The following DOCK3 variants were observed in gnomAD, a reference collection of about 807,000 sequenced individuals.
DOCK3 encodes dedicator of cytokinesis 3.
DOCK3 carries 60 observed loss-of-function variants against 265.6 expected under a neutral mutation model. That is an observed-to-expected ratio of 0.23 (90% CI 0.18 to 0.28). The LOEUF (loss-of-function observed/expected upper bound fraction) is 0.28. DOCK3 is among the 10% of genes least tolerant of loss of function. DOCK3 has a pLI of 1.00. For synonymous variants in DOCK3, 881 were observed against 938.0 expected (o/e 0.94, Z 1.11); for missense variants, 1,981 against 2,594.3 (o/e 0.76, Z 5.14).
intron 22 of DOCK3, among the ~76,000 whole-genome samples, chr3:51,257,841 C>T (rs1296276527): frequency 6.6e-6 from 1 of 152,328 alleles, no homozygotes; most frequent in South Asian, 2.1e-4. Flanking sequence ...TTCTATTCCA[C>T]TCCTCTGCCC....
intron 5 of DOCK3, among the ~76,000 whole-genome samples, chr3:50,935,898 A>G (rs772583789): frequency 6.6e-6 from 1 of 152,244 alleles, no homozygotes; most frequent in Non-Finnish European, 1.5e-5. Context: ...GTGTCATAGT[A>G]TAATAATGTT....
intron 1 of DOCK3, among the ~76,000 whole-genome samples, chr3:50,735,248 G>A (rs2038514380): frequency 6.6e-6 from 1 of 152,066 alleles, no homozygotes; most frequent in African/African-American, 2.4e-5. Flanking sequence ...TTTGACTTTT[G>A]AGAACTTGAT....
intron 1 of DOCK3, among the ~76,000 whole-genome samples, chr3:50,722,954 T>A (rs546482073): frequency 1.3e-5 from 2 of 152,074 alleles, no homozygotes; most frequent in Admixed American, 6.5e-5. Context: ...GTACTTGTTT[T>A]ATAGAGACAG....
At chr3:50,900,310 T>C (rs1015026890) in intron 4 of DOCK3, among the ~76,000 whole-genome samples, 1 of 152,258 alleles carries the variant, frequency 6.6e-6, no homozygotes. Context: ...TCTTGTGCTG[T>C]GTTTTTTAGT....
At chr3:51,351,949 G>T (rs563716544) in intron 40 of DOCK3, among the ~76,000 whole-genome samples, 1 of 152,270 alleles carries the variant, frequency 6.6e-6, no homozygotes, top group South Asian at 2.1e-4. Flanking sequence ...GAGCCAATGC[G>T]CCCAGCCAGG....
intron 22 of DOCK3, among the ~76,000 whole-genome samples, chr3:51,255,742 G>A (rs998285617): frequency 7.0e-6 from 1 of 142,624 alleles, no homozygotes; most frequent in Non-Finnish European, 1.6e-5. Context: ...TCTATGCTGT[G>A]TTTTCTAGTT....
chr3:50,888,480 T>A (rs1396945916), intron 3 of DOCK3, among the ~76,000 whole-genome samples: 3 of 152,176 alleles, frequency 2.0e-5, no homozygotes, highest in East Asian at 3.8e-4. Context: ...AAGCTACCAA[T>A]GACTTTCTTC....
Position 51,381,341 on chromosome 3 carries a change from C to T in DOCK3, c.5875C>T (p.Pro1959Ser). The T allele has an allele frequency of 6.2e-7, 1 of 1,613,432 alleles. No individual in the cohort carries two copies. The highest frequency in any genetic ancestry group is 8.5e-7 in the Non-Finnish European group (1 of 1,179,878). The change falls in exon 53 of 53, where the codon CCA (proline) becomes TCA (serine). Residue 1959 changes from proline (P) to serine (S), a missense_variant. By Grantham distance (74) the Pro-to-Ser change is moderately conservative (BLOSUM62 -1). Around this residue, in one of 4 missense-constraint regions of DOCK3, gnomAD observed 149 missense variants for 144.7 expected, o/e 1.03. Transcript: ENST00000266037. The surrounding 1 kb of genome is among the most constrained non-coding windows in gnomAD (Gnocchi z 5.6). ...CCAGCCATGCCGAAGCCACTCAGCC[C>T]CAGGGTGCGTCATCCCTCAGGACCC... is the stretch of plus-strand genomic sequence containing the variant. ...KAQPCRSHSA[P>S]GCVIPQDPMD...
intron 49 of DOCK3, among the ~76,000 whole-genome samples, chr3:51,363,857 G>A (rs1357911817): frequency 6.6e-6 from 1 of 152,202 alleles, no homozygotes; most frequent in Non-Finnish European, 1.5e-5. Flanking sequence ...TGGTGTATAT[G>A]TGCCACATTT....
chr3:51,278,549 G>A lies in DOCK3; in HGVS notation c.2823+795G>A, dbSNP rs1211809986. 16 of 985,162 alleles carry A rather than the reference G, an allele frequency of 1.6e-5. No individual in the cohort carries two copies. The Admixed American group carries it at 4.3e-4, about 27-fold the overall frequency. 61.0% of individuals were successfully genotyped at this position (985,162 alleles called of 1,614,324 possible). On this transcript the variant is annotated intron_variant, in intron 26 of 52. Transcript: ENST00000266037. ...AGCAGGTATGTGTTCTGGAGCACTG[G>A]GCTTGGAAAGAGTGTCTGCTCCTTT...
At chr3:50,720,726 G>A (rs1372932998) in intron 1 of DOCK3, among the ~76,000 whole-genome samples, 1 of 152,166 alleles carries the variant, frequency 6.6e-6, no homozygotes, top group East Asian at 1.9e-4. Context: ...CCAGTAATGG[G>A]ATTGCTGGGT....
intron 12 of DOCK3, among the ~76,000 whole-genome samples, chr3:51,172,694 T>A (rs1430037884): frequency 6.6e-6 from 1 of 152,178 alleles, no homozygotes; most frequent in East Asian, 1.9e-4. Context: ...TTTTTGGTAG[T>A]TTGGTAGTTT....
rs866345630 is a variant in DOCK3 at position 50,701,131 on chromosome 3, T to G, written c.37+25831T>G. Reference sequence around the variant, plus strand: ...TACAGATCCTTTGTGGCCCTTGTTTTTTTTTTTTTTTTTTTTTAAGACAGG... The same window carrying G: ...TACAGATCCTTTGTGGCCCTTGTTTGTTTTTTTTTTTTTTTTTAAGACAGG... On this transcript the variant is annotated intron_variant, in intron 1 of 52. Transcript: ENST00000266037. Among the ~76,000 whole-genome samples, 183 of 150,454 alleles carry G rather than the reference T, an allele frequency of 1.2e-3. 4 individuals carry two copies. The South Asian group carries it at 0.022, about 18-fold the overall frequency.
Position 51,278,095 on chromosome 3 carries a change from T to TAGAA in DOCK3, c.2823+341_2823+342insAGAA, listed in dbSNP as rs1360664853. 287 of 985,406 alleles carry TAGAA rather than the reference T, an allele frequency of 2.9e-4. 2 individuals are homozygous for TAGAA. In the African/African-American group the frequency reaches 4.8e-3, roughly 16 times the overall value. The allele number at this position is 985,406 out of a possible 1,614,324, so 61.0% of individuals were successfully genotyped here. ...TTGAAGGTGAAAAACAGACTATTTCTTCTAGGAACCCCCTCATACAGGTTC... is the reference window on the plus strand; with the variant it reads ...TTGAAGGTGAAAAACAGACTATTTCTAGAATCTAGGAACCCCCTCATACAGGTTC... On this transcript the variant is annotated intron_variant, in intron 26 of 52. Coordinates refer to ENST00000266037, the MANE Select transcript of DOCK3 (RefSeq NM_004947.5).
At chr3:51,147,236 C>A (rs2085339687) in intron 10 of DOCK3, among the ~76,000 whole-genome samples, 1 of 152,152 alleles carries the variant, frequency 6.6e-6, no homozygotes, top group South Asian at 2.1e-4. Context: ...AGGTATCCAC[C>A]AAGTTTACAG....
Position 51,356,486 on chromosome 3 carries a change from G to C in DOCK3, c.4496G>C (p.Arg1499Thr). 6.3e-7 allele frequency: 1 copy of C among 1,599,894 alleles called. No individual in the cohort carries two copies. Residue 1499 changes from arginine to threonine, a missense_variant, in exon 43 of 53, where the codon AGG (arginine) becomes ACG (threonine). Arg to Thr is a moderately conservative substitution (Grantham distance 71). This residue lies in a region of DOCK3 where 1,357 missense variants were observed against 1,866.8 expected (regional missense o/e 0.73). Transcript: ENST00000266037. ...GISRWFEVER[R>T]ELVEVSPLEN... ...TCTCGGTGGTTTGAAGTGGAGAGGA[G>C]GGAACTGGTGAGACATGTCTCAGAT...
At chr3:50,742,031 G>C (rs892115982) in intron 1 of DOCK3, among the ~76,000 whole-genome samples, 1 of 152,160 alleles carries the variant, frequency 6.6e-6, no homozygotes, top group Admixed American at 6.6e-5. Context: ...GCCAGTGATG[G>C]TGAGCATTTT....
At chr3:50,773,391 T>C (rs778245510) in intron 1 of DOCK3, among the ~76,000 whole-genome samples, 6 of 151,842 alleles carry the variant, frequency 4.0e-5, no homozygotes, top group Non-Finnish European at 8.8e-5. Context: ...AAAAAAATCA[T>C]TTGAAAGCCA....
chr3:50,760,011 T>C (rs2040426644), intron 1 of DOCK3, among the ~76,000 whole-genome samples: 1 of 152,116 alleles, frequency 6.6e-6, no homozygotes, highest in Admixed American at 6.5e-5. Context: ...GTTTTAAATT[T>C]TGATGAAGGC....
Sources: allele counts gnomAD v4.1 joint callset (sites outside exome capture counted in the v4.1 genomes callset), GRCh38; gene constraint gnomAD v4.1.1; regional missense constraint gnomAD v4.1.1; non-coding constraint Gnocchi (gnomAD v3.1); transcripts MANE v1.5; gene names NCBI Gene and HGNC (gene_info 2026-07-23, HGNC 2026-07-21).